Variants in PRDM10 observed in about 807,000 individuals in gnomAD.
PRDM10 encodes the protein PR domain zinc finger protein 10.
PRDM10 carries 65 observed loss-of-function variants against 133.1 expected under a neutral mutation model. The ratio of observed to expected loss-of-function variants is 0.49; its 90% CI spans 0.40 to 0.60. The LOEUF (loss-of-function observed/expected upper bound fraction) is 0.60. Among genes scored for constraint, PRDM10 ranks in the 20% least tolerant of loss-of-function variants. The probability of loss-of-function intolerance (pLI) is 0.00; values close to 1 mark genes in which losing one functional copy is unlikely to be tolerated. For synonymous variants in PRDM10, 582 were observed against 580.4 expected, an observed-to-expected ratio of 1.00 and a Z score of -0.04; for missense variants, 1,137 against 1,507.1, an observed-to-expected ratio of 0.75 and a Z score of 4.07.
chr11:129,989,504 C>CT (rs1938614732), intron 1 of PRDM10, among the ~76,000 whole-genome samples: 1 of 152,144 alleles, frequency 6.6e-6, no homozygotes, highest in African/African-American at 2.4e-5. Flanking sequence ...ATATCTCAAG[C>CT]TCTTTTATTG....
intron 20 of PRDM10, among the ~76,000 whole-genome samples, chr11:129,904,313 T>G (rs918584226): frequency 2.0e-5 from 3 of 152,148 alleles, no homozygotes; most frequent in African/African-American, 7.2e-5. Context: ...CCTTCTAGCT[T>G]TATTAAGATA....
intron 1 of PRDM10, among the ~76,000 whole-genome samples, chr11:129,980,338 C>T (rs1342040985): frequency 6.6e-6 from 1 of 152,154 alleles, no homozygotes; most frequent in African/African-American, 2.4e-5. Context: ...CCCCCGGGGC[C>T]GCACACAGGT....
chr11:129,917,977 A>G (rs1197940046), intron 14 of PRDM10, among the ~76,000 whole-genome samples: 1 of 152,130 alleles, frequency 6.6e-6, no homozygotes, highest in African/African-American at 2.4e-5. Context: ...CTAAAAATAC[A>G]AAAATTAGCC....
At chr11:129,952,712 C>G (rs934256770) in intron 4 of PRDM10, among the ~76,000 whole-genome samples, 4 of 151,662 alleles carry the variant, frequency 2.6e-5, no homozygotes, top group Admixed American at 2.6e-4. Context: ...ATACAGGGGT[C>G]TTCACTATGT....
chr11:129,954,196 T>C (rs1332784734), intron 4 of PRDM10, among the ~76,000 whole-genome samples: 2 of 151,174 alleles, frequency 1.3e-5, no homozygotes, highest in Non-Finnish European at 2.9e-5. Flanking sequence ...AATAGAAGCA[T>C]ACAAATCTTC....
intron 19 of PRDM10, among the ~76,000 whole-genome samples, chr11:129,906,554 A>T (rs1950022066): frequency 6.6e-6 from 1 of 152,252 alleles, no homozygotes; most frequent in African/African-American, 2.4e-5. Flanking sequence ...ACTGGTAAAC[A>T]AAGGAAATGA....
chr11:129,992,959 T>A (rs1938832601), intron 1 of PRDM10, among the ~76,000 whole-genome samples: 1 of 151,258 alleles, frequency 6.6e-6, no homozygotes, highest in Non-Finnish European at 1.5e-5. Flanking sequence ...TTACTCCAAA[T>A]ACTTTTTCTA....
At chr11:129,903,512 T>A (rs1949910446) in intron 20 of PRDM10, among the ~76,000 whole-genome samples, 1 of 152,158 alleles carries the variant, frequency 6.6e-6, no homozygotes, top group Non-Finnish European at 1.5e-5. Flanking sequence ...TTTTCTTATT[T>A]TTCCCCTCAT....
rs769014536 is a variant in PRDM10 at position 129,912,208 on chromosome 11, C to G, written c.2859G>C (p.Gln953His). 5.0e-6 allele frequency: 8 copies of G among 1,597,742 alleles called. No individual in the cohort carries two copies. The South Asian group carries it at 7.8e-5, about 16-fold the overall frequency. ...CAACATCCACAGTGGACTGCTGTGA[C>G]TGGTGAGGGGAAGTGGCCTGGAAGG... ...VQVASATSPHQSQQSTVDVGQ... is the reference protein window; with the variant it reads ...VQVASATSPHHSQQSTVDVGQ... The change falls in exon 18 of 21, where the codon CAG becomes CAC. Residue 953 changes from glutamine to histidine, a missense_variant. Transcript: ENST00000360871.
In PRDM10 at chr11:129,947,311, G is replaced by T. The variant is rs1387116096; in HGVS notation, c.354C>A (p.Asp118Glu). 9 of 1,613,864 alleles carry T rather than the reference G, an allele frequency of 5.6e-6. No homozygotes were observed. The highest frequency in any genetic ancestry group is 5.1e-6 in the Non-Finnish European group (6 of 1,179,936). The change falls in exon 5 of 21, where the codon GAC becomes GAA. Residue 118 changes from aspartate (D) to glutamate (E), a missense_variant. Coordinates refer to ENST00000360871, the MANE Select transcript of PRDM10 (RefSeq NM_199437.2). The surrounding 1 kb of genome is among the most constrained non-coding windows in gnomAD (Gnocchi z 4.6). ...GAGGGGTCTGCAGAGTTGCCAAAGGGTCGGACCCATCTACACTCTCGATGG... is the reference window on the plus strand; with the variant it reads ...GAGGGGTCTGCAGAGTTGCCAAAGGTTCGGACCCATCTACACTCTCGATGG... The part of the protein sequence containing the change: ...LPSIESVDGS[D>E]PLATLQTPLG...
chr11:129,938,371 C>T (rs1179771726), intron 7 of PRDM10, among the ~76,000 whole-genome samples: 3 of 152,184 alleles, frequency 2.0e-5, no homozygotes, highest in Admixed American at 6.6e-5. Context: ...TGCTTTCCAA[C>T]TCACACCTCC....
At position 129,900,654 on chromosome 11, in the gene PRDM10, T is replaced by TA. The variant is rs1479998156; in HGVS notation, c.*1658dup. Reference sequence around the variant, plus strand: ...TCTAGACCGGACACTAGGATATTTGTAATCATTACACTGTGGGACTTAGGG... The same window carrying TA: ...TCTAGACCGGACACTAGGATATTTGTAAATCATTACACTGTGGGACTTAGGG... On this transcript the variant is annotated 3_prime_UTR_variant, in exon 21 of 21. Coordinates refer to ENST00000360871, the MANE Select transcript of PRDM10 (RefSeq NM_199437.2). The TA allele has an allele frequency of 6.6e-6, 1 of 152,264 alleles. No homozygotes were observed. The allele number at this position is 152,264 out of a possible 1,614,324, so 9.4% of individuals were successfully genotyped here.
chr11:129,966,884 G>A (rs1325782492), intron 1 of PRDM10, among the ~76,000 whole-genome samples: 2 of 152,154 alleles, frequency 1.3e-5, no homozygotes, highest in African/African-American at 2.4e-5. Context: ...GAATGATACT[G>A]TGTGGAAAAC....
intron 7 of PRDM10, among the ~76,000 whole-genome samples, chr11:129,940,541 AATT>A (rs1951173699): frequency 1.3e-5 from 2 of 152,216 alleles, no homozygotes; most frequent in Non-Finnish European, 2.9e-5. Context: ...CGGTTTTAAA[AATT>A]ATTAATGTTG....
rs1037314413 is a variant in PRDM10, at chr11:130,002,806, A to T, written c.-203T>A. 4.9e-6 allele frequency: 1 copy of T among 205,514 alleles called. No individual in the cohort carries two copies. The highest frequency in any genetic ancestry group is 2.4e-5 in the African/African-American group (1 of 41,680). 12.7% of individuals were successfully genotyped at this position (205,514 alleles called of 1,614,324 possible). ...GTGATAGAAATCAACCCCCCCCGCC[A>T]CCTCCAGGTGGTTCTTCCCGCCGCA... On this transcript the variant is annotated 5_prime_UTR_variant, in exon 1 of 21. Transcript: ENST00000360871.
At position 129,915,711 on chromosome 11, in the gene PRDM10, G is replaced by C. The variant is rs3734072; in HGVS notation, c.2475C>G (p.Ile825Met). Residue 825 changes from isoleucine (I) to methionine (M), a missense_variant, in exon 16 of 21, where the codon ATC becomes ATG. By Grantham distance (10) the Ile-to-Met change is conservative. Around this residue, in one of 6 missense-constraint regions of PRDM10, gnomAD observed 65 missense variants for 151.1 expected, o/e 0.43. Transcript: ENST00000360871. Reference sequence around the variant, plus strand: ...GGGGACAGCAGACGGGAGGGGTGGCGATGGTGCCCGTCAGCTGGGTGTGTG... The same window carrying C: ...GGGGACAGCAGACGGGAGGGGTGGCCATGGTGCCCGTCAGCTGGGTGTGTG... ...LSTHTQLTGTIATPPVCCPHC... is the reference protein window; with the variant it reads ...LSTHTQLTGTMATPPVCCPHC... 1 of 1,613,922 alleles carries C rather than the reference G, an allele frequency of 6.2e-7. No individual in the cohort carries two copies. Among genetic ancestry groups the C allele is most frequent in the Non-Finnish European group, 8.5e-7 (1 of 1,179,914 alleles).
At chr11:129,959,192 G>C (rs576887525) in intron 2 of PRDM10, among the ~76,000 whole-genome samples, 206 of 152,292 alleles carry the variant, frequency 1.4e-3, no homozygotes, top group African/African-American at 4.8e-3. Flanking sequence ...AAACCTAAGA[G>C]ACAAAATGTA....
rs755245116 is a variant in PRDM10, at chr11:129,915,706, G to A, written c.2480C>T (p.Thr827Ile). ...THTQLTGTIA[T>I]PPVCCPHCSK... ...GCAGTGGGGACAGCAGACGGGAGGGGTGGCGATGGTGCCCGTCAGCTGGGT... is the reference window on the plus strand; with the variant it reads ...GCAGTGGGGACAGCAGACGGGAGGGATGGCGATGGTGCCCGTCAGCTGGGT... The change falls in exon 16 of 21, where the codon ACC becomes ATC. Residue 827 changes from threonine to isoleucine, a missense_variant. Physicochemically the swap from Thr to Ile is moderately conservative, Grantham distance 89. Around this residue, in one of 6 missense-constraint regions of PRDM10, gnomAD observed 65 missense variants for 151.1 expected, o/e 0.43. Transcript: ENST00000360871. 2.5e-6 allele frequency: 4 copies of A among 1,613,794 alleles called. No individual in the cohort carries two copies. The highest frequency in any genetic ancestry group is 1.7e-5 in the Admixed American group (1 of 59,990).
chr11:129,957,729 G>C lies in PRDM10; in HGVS notation c.234+17C>G, dbSNP rs1375010177. The C allele has an allele frequency of 6.3e-7, 1 of 1,597,402 alleles. No homozygotes were observed. On this transcript the variant is annotated intron_variant, in intron 3 of 20. Transcript: ENST00000360871. ...TTAGTTAATTGACAAATTATCAACA[G>C]ATAACCCTTCACATGCCTGTGCAGC...
Sources: gnomAD v4.1 joint callset for allele counts (sites outside exome capture counted in the v4.1 genomes callset) on GRCh38, gnomAD v4.1.1 for gene constraint, gnomAD v4.1.1 regional missense constraint, Gnocchi (gnomAD v3.1) non-coding constraint, MANE v1.5 for transcripts, NCBI Gene and HGNC (gene_info 2026-07-23, HGNC 2026-07-21) for gene names.